KDM4C: variants seen among roughly 807,000 people sequenced by gnomAD.
KDM4C encodes lysine-specific demethylase 4C.
In KDM4C, 81 loss-of-function variants were observed where a neutral mutation model predicts 129.3. That is an observed-to-expected ratio of 0.63 (90% CI 0.52 to 0.75). The LOEUF (loss-of-function observed/expected upper bound fraction) is 0.75, where lower values mean the gene tolerates loss of function less well. Ranked by LOEUF, KDM4C falls within the 30% of genes least tolerant of loss-of-function variation. The pLI, the probability that KDM4C is intolerant of heterozygous loss-of-function variation, is 0.00. For synonymous variants in KDM4C, 573 were observed against 456.1 expected (o/e 1.26, Z -3.26); for missense variants, 1,457 against 1,304.0 (o/e 1.12, Z -1.81).
chr9:6,831,921 G>T (rs190459262), intron 4 of KDM4C, among the ~76,000 whole-genome samples: 37 of 152,290 alleles, frequency 2.4e-4, no homozygotes, highest in Admixed American at 1.8e-3. Context: ...AATTAAATGA[G>T]GTCCATTAGT....
chr9:6,795,106 C>G (rs1827472203), intron 2 of KDM4C, among the ~76,000 whole-genome samples: 1 of 152,174 alleles, frequency 6.6e-6, no homozygotes, highest in African/African-American at 2.4e-5. Flanking sequence ...CCAGGCCGAA[C>G]CACTCAGTTG....
At chr9:6,985,180 C>T (rs1361288391) in intron 10 of KDM4C, among the ~76,000 whole-genome samples, 1 of 152,194 alleles carries the variant, frequency 6.6e-6, no homozygotes, top group African/African-American at 2.4e-5. Context: ...GCTGTAGTCA[C>T]CCCCGCTAGT....
At chr9:6,886,675 G>T (rs186463236) in intron 6 of KDM4C, among the ~76,000 whole-genome samples, 1 of 151,896 alleles carries the variant, frequency 6.6e-6, no homozygotes, top group African/African-American at 2.4e-5. Flanking sequence ...TGTATTTGTA[G>T]TAGAGACGGG....
chr9:7,054,475 A>G (rs1165722984), intron 17 of KDM4C, among the ~76,000 whole-genome samples: 2 of 152,226 alleles, frequency 1.3e-5, no homozygotes, highest in African/African-American at 4.8e-5. Context: ...TTGTTTTTAC[A>G]ATATAAAAAT....
chr9:7,055,278 G>C (rs901585153), intron 17 of KDM4C, among the ~76,000 whole-genome samples: 2 of 152,168 alleles, frequency 1.3e-5, no homozygotes, highest in African/African-American at 2.4e-5. Context: ...TATGTCTTTA[G>C]ACCTTTCTAG....
At chr9:7,118,570 A>G (rs1431366589) in intron 18 of KDM4C, among the ~76,000 whole-genome samples, 1 of 152,224 alleles carries the variant, frequency 6.6e-6, no homozygotes, top group Non-Finnish European at 1.5e-5. Flanking sequence ...TTGAAAAAAT[A>G]CAATAATAAT....
At chr9:6,755,255 C>G (rs1415981217), upstream of KDM4C, among the ~76,000 whole-genome samples, 1 of 152,194 alleles carries the variant, frequency 6.6e-6, no homozygotes, top group Non-Finnish European at 1.5e-5. Flanking sequence ...CCTGTAGTCC[C>G]AGCTACTTGG....
chr9:6,935,095 C>T (rs897554648), intron 8 of KDM4C, among the ~76,000 whole-genome samples: 8 of 152,070 alleles, frequency 5.3e-5, no homozygotes, highest in Non-Finnish European at 1.0e-4. Flanking sequence ...TAACTACTGA[C>T]TTAGAAGAAT....
chr9:6,757,562 G>C (rs1321371402), upstream of KDM4C: 1 of 925,536 alleles, frequency 1.1e-6, no homozygotes, highest in Non-Finnish European at 1.3e-6. Context: ...TGCGAGCCCC[G>C]ACTTTCTCGC....
chr9:7,068,053 C>T (rs893156975), intron 17 of KDM4C, among the ~76,000 whole-genome samples: 1 of 152,208 alleles, frequency 6.6e-6, no homozygotes, highest in Non-Finnish European at 1.5e-5. Context: ...GCCTCGGCCT[C>T]CCAAAGTGCT....
chr9:7,146,573 AT>A (rs918331541), intron 19 of KDM4C, among the ~76,000 whole-genome samples: 5 of 152,164 alleles, frequency 3.3e-5, no homozygotes, highest in African/African-American at 9.6e-5. Context: ...CTTATACTTA[AT>A]TTTTTTTAAG....
chr9:7,102,622 G>A (rs969857586), intron 17 of KDM4C, among the ~76,000 whole-genome samples: 12 of 152,120 alleles, frequency 7.9e-5, no homozygotes, highest in Non-Finnish European at 1.3e-4. Context: ...GTGAGGACAC[G>A]AAGAGTTAGA....
intron 8 of KDM4C, among the ~76,000 whole-genome samples, chr9:6,948,419 C>T (rs1366507158): frequency 7.7e-6 from 1 of 130,492 alleles, no homozygotes; most frequent in Non-Finnish European, 1.5e-5. Flanking sequence ...TGTAGAAAGG[C>T]AAATAGTATT....
intron 1 of KDM4C, among the ~76,000 whole-genome samples, chr9:6,778,621 G>C (rs571549247): frequency 3.4e-4 from 51 of 151,762 alleles, no homozygotes; most frequent in African/African-American, 1.2e-3. Flanking sequence ...ACAAAAATTA[G>C]CGGGGCGTGG....
intron 19 of KDM4C, among the ~76,000 whole-genome samples, chr9:7,150,520 C>T (rs554273321): frequency 8.9e-4 from 136 of 152,204 alleles, no homozygotes; most frequent in Non-Finnish European, 1.6e-3. Flanking sequence ...GAAATGTCTC[C>T]GAGAGGGCTG....
chr9:7,093,777 A>G (rs572233073), intron 17 of KDM4C, among the ~76,000 whole-genome samples: 2 of 152,374 alleles, frequency 1.3e-5, no homozygotes, highest in South Asian at 2.1e-4. Context: ...ACTTAGTTGT[A>G]TAATGTCTAA....
At chr9:7,068,057 A>G (rs906155882) in intron 17 of KDM4C, among the ~76,000 whole-genome samples, 4 of 152,140 alleles carry the variant, frequency 2.6e-5, no homozygotes, top group African/African-American at 7.2e-5. Context: ...CGGCCTCCCA[A>G]AGTGCTGGGA....
At chr9:6,913,193 TAGATAATATA>T (rs1424459999) in intron 8 of KDM4C, among the ~76,000 whole-genome samples, 81 of 152,304 alleles carry the variant, frequency 5.3e-4, no homozygotes, top group East Asian at 7.7e-4. Flanking sequence ...ATTTTCTTTC[TAGATAATATA>T]ACTTGATTAT....
intron 8 of KDM4C, among the ~76,000 whole-genome samples, chr9:6,977,437 C>G (rs559174834): frequency 6.6e-6 from 1 of 152,132 alleles, no homozygotes; most frequent in Non-Finnish European, 1.5e-5. Flanking sequence ...TCCTGAGATT[C>G]AAGTGGATAT....
Sources: gnomAD v4.1 joint callset for allele counts (sites outside exome capture counted in the v4.1 genomes callset) on GRCh38, gnomAD v4.1.1 for gene constraint, MANE v1.5 for transcripts, NCBI Gene and HGNC (gene_info 2026-07-23, HGNC 2026-07-21) for gene names.